The following GLUD1 variants were observed in gnomAD, a reference collection of about 807,000 sequenced individuals.
The protein encoded by GLUD1 is glutamate dehydrogenase 1, mitochondrial.
GLUD1 carries 22 observed loss-of-function variants against 56.0 expected under a neutral mutation model. That is an observed-to-expected ratio of 0.39 (90% CI 0.28 to 0.56). GLUD1 has a LOEUF of 0.56. Ranked by LOEUF, GLUD1 falls within the 20% of genes least tolerant of loss-of-function variation. The pLI, the probability that GLUD1 is intolerant of heterozygous loss-of-function variation, is 0.58. For synonymous variants in GLUD1, 223 were observed against 269.9 expected (o/e 0.83, Z 1.70); for missense variants, 451 against 732.0 (o/e 0.62, Z 4.43).
At chr10:87,061,556 C>T (rs188796198) in intron 6 of GLUD1, among the ~76,000 whole-genome samples, 4 of 152,144 alleles carry the variant, frequency 2.6e-5, no homozygotes, top group Admixed American at 2.6e-4. Context: ...ACCAGGTCCT[C>T]AGTCCTTGAT....
chr10:87,062,852 T>C lies in GLUD1; in HGVS notation c.742-17A>G, dbSNP rs1354389459. ...ATTAATATCCTGTAAGAGGGGGTAATTGAAAGAATGAAATGTCAAGTCCAA... is the reference window on the plus strand; with the variant it reads ...ATTAATATCCTGTAAGAGGGGGTAACTGAAAGAATGAAATGTCAAGTCCAA... On this transcript the variant is annotated splice_polypyrimidine_tract_variant and intron_variant, in intron 5 of 12. Coordinates refer to ENST00000277865, the MANE Select transcript of GLUD1 (RefSeq NM_005271.5). 3.7e-6 allele frequency: 6 copies of C among 1,610,798 alleles called. No homozygotes were observed. In the Admixed American group the frequency reaches 6.7e-5, roughly 18 times the overall value.
intron 11 of GLUD1, 80 bp from the exon 12 acceptor site, chr10:87,053,484 C>A: frequency 1.1e-6 from 1 of 905,914 alleles, no homozygotes; most frequent in Non-Finnish European, 1.8e-6. Flanking sequence ...AAAGGATTCT[C>A]AAGTCAATAT....
At chr10:87,064,580 A>G (rs1273598884) in intron 5 of GLUD1, among the ~76,000 whole-genome samples, 1 of 152,258 alleles carries the variant, frequency 6.6e-6, no homozygotes, top group East Asian at 1.9e-4. Context: ...GGCTGAATTA[A>G]AAAGTGATCT....
At chr10:87,088,397 G>GTTAA (rs1841436967) in intron 1 of GLUD1, among the ~76,000 whole-genome samples, 1 of 151,336 alleles carries the variant, frequency 6.6e-6, no homozygotes, top group Admixed American at 6.6e-5. Flanking sequence ...TTGCCTGCAG[G>GTTAA]AACAAAAAAC....
intron 12 of GLUD1, among the ~76,000 whole-genome samples, chr10:87,052,260 G>T (rs2133774102): frequency 6.6e-6 from 1 of 152,286 alleles, no homozygotes; most frequent in East Asian, 1.9e-4. Context: ...GCTGAGGCAG[G>T]TGGATCACTT....
intron 1 of GLUD1, among the ~76,000 whole-genome samples, chr10:87,078,804 C>T (rs1379787431): frequency 6.6e-6 from 1 of 152,062 alleles, no homozygotes; most frequent in African/African-American, 2.4e-5. Flanking sequence ...TAAGTTTCTT[C>T]GAGATAGATT....
intron 5 of GLUD1, among the ~76,000 whole-genome samples, chr10:87,065,407 G>A (rs929386063): frequency 2.0e-5 from 3 of 152,062 alleles, no homozygotes; most frequent in East Asian, 3.9e-4. Flanking sequence ...ATGCCCAGCT[G>A]GTCTCTTGTT....
At chr10:87,078,975 C>T (rs1564559064) in intron 1 of GLUD1, among the ~76,000 whole-genome samples, 1 of 147,962 alleles carries the variant, frequency 6.8e-6, no homozygotes, top group East Asian at 1.9e-4. Context: ...CTCATTTCTA[C>T]AACAACAACA....
At position 87,051,826 on chromosome 10, in the gene GLUD1, C is replaced by T; in HGVS notation, c.1602G>A (p.Leu534=). Reference sequence around the variant, plus strand: ...TGGCATTAACATAGGCAGCTGTTCTCAGGTCCAATCCCAGGTTATACTTCA... The same window carrying T: ...TGGCATTAACATAGGCAGCTGTTCTTAGGTCCAATCCCAGGTTATACTTCA... The part of the protein sequence containing the change: ...TAMKYNLGLD[L]RTAAYVNAIE... The change falls in exon 13 of 13, where the codon CTG becomes CTA. Residue 534 remains leucine (L), a synonymous_variant. Transcript: ENST00000277865. 1 of 1,614,020 alleles carries T rather than the reference C, an allele frequency of 6.2e-7. No individual in the cohort carries two copies. The highest frequency in any genetic ancestry group is 8.5e-7 in the Non-Finnish European group (1 of 1,179,986).
At chr10:87,069,075 G>T (rs1846151621) in intron 4 of GLUD1, among the ~76,000 whole-genome samples, 1 of 151,478 alleles carries the variant, frequency 6.6e-6, no homozygotes, top group Non-Finnish European at 1.5e-5. Flanking sequence ...TATGGAAAAA[G>T]GCAGGTTTCA....
At chr10:87,060,597 A>C in intron 8 of GLUD1, 91 bp downstream of exon 8, 1 of 1,504,518 alleles carries the variant, frequency 6.6e-7, no homozygotes, top group Non-Finnish European at 9.2e-7. Flanking sequence ...AGCTGCTAAA[A>C]AGAAAGAGAA....
chr10:87,059,665 A>G (rs1357198914), intron 9 of GLUD1, among the ~76,000 whole-genome samples: 1 of 152,202 alleles, frequency 6.6e-6, no homozygotes, highest in African/African-American at 2.4e-5. Flanking sequence ...AGCCCATTTC[A>G]GTTACATTAA....
At chr10:87,057,821 GAAAA>G (rs35186250) in intron 10 of GLUD1, 39 bp from the exon 11 acceptor site, 285 of 721,432 alleles carry the variant, frequency 4.0e-4, no homozygotes, top group East Asian at 5.8e-4. Flanking sequence ...ATTGCTAACA[GAAAA>G]AAAAAAAAAA....
chr10:87,074,929 G>A (rs1456464722), intron 3 of GLUD1, among the ~76,000 whole-genome samples: 3 of 152,034 alleles, frequency 2.0e-5, no homozygotes, highest in African/African-American at 7.2e-5. Context: ...GAATTTTAAA[G>A]AGAATAAAAA....
chr10:87,079,762 T>C (rs1180280446), intron 1 of GLUD1, among the ~76,000 whole-genome samples: 1 of 152,208 alleles, frequency 6.6e-6, no homozygotes, highest in African/African-American at 2.4e-5. Flanking sequence ...TAATGGCATG[T>C]AACAAAGCAA....
chr10:87,082,217 A>G (rs930610458), intron 1 of GLUD1, among the ~76,000 whole-genome samples: 1 of 151,934 alleles, frequency 6.6e-6, no homozygotes, highest in Non-Finnish European at 1.5e-5. Flanking sequence ...AATATTCTAG[A>G]AATAGATGTT....
At chr10:87,053,039 A>G (rs1450932545) in intron 12 of GLUD1, among the ~76,000 whole-genome samples, 1 of 152,210 alleles carries the variant, frequency 6.6e-6, no homozygotes, top group Non-Finnish European at 1.5e-5. Flanking sequence ...TAGCTATAAC[A>G]TAGTGGCACA....
chr10:87,062,562 TA>T, intron 6 of GLUD1, 93 bp downstream of exon 6: 2 of 991,418 alleles, frequency 2.0e-6, no homozygotes, highest in South Asian at 1.5e-5. Flanking sequence ...AGATTTGAGA[TA>T]ACTTAATTTT....
At chr10:87,090,480 C>T (rs1841484873) in intron 1 of GLUD1, among the ~76,000 whole-genome samples, 1 of 152,182 alleles carries the variant, frequency 6.6e-6, no homozygotes, top group Non-Finnish European at 1.5e-5. Context: ...ACGCAAGTGA[C>T]AGAAAGACTG....
Sources: allele counts gnomAD v4.1 joint callset (sites outside exome capture counted in the v4.1 genomes callset), GRCh38; gene constraint gnomAD v4.1.1; transcripts MANE v1.5; gene names NCBI Gene and HGNC (gene_info 2026-07-23, HGNC 2026-07-21).